NTRK3: variants seen among roughly 807,000 people sequenced by gnomAD.
NTRK3 encodes neurotrophic receptor tyrosine kinase 3, also known as NT-3 growth factor receptor.
NTRK3 carries 24 observed loss-of-function variants against 91.7 expected under a neutral mutation model. That is an observed-to-expected ratio of 0.26 (90% confidence interval 0.19 to 0.37). The LOEUF is 0.37. Among genes scored for constraint, NTRK3 ranks in the 10% least tolerant of loss-of-function variants. The probability of loss-of-function intolerance (pLI) is 1.00; values close to 1 mark genes in which losing one functional copy is unlikely to be tolerated. For missense variants in NTRK3, 880 were observed against 1,068.9 expected, an observed-to-expected ratio of 0.82 and a Z score of 2.46; for synonymous variants, 483 against 404.0, an observed-to-expected ratio of 1.20 and a Z score of -2.34.
At chr15:87,903,412 C>T (rs542392921) in intron 17 of NTRK3, among the ~76,000 whole-genome samples, 4 of 152,170 alleles carry the variant, frequency 2.6e-5, no homozygotes, top group African/African-American at 2.4e-5. Flanking sequence ...CCCTCCCCTC[C>T]TCCATCATCT....
chr15:88,147,075 T>G (rs1316907861), intron 6 of NTRK3, among the ~76,000 whole-genome samples: 2 of 152,168 alleles, frequency 1.3e-5, no homozygotes, highest in African/African-American at 4.8e-5. Context: ...ACTAATTATC[T>G]ACAGATCACA....
intron 14 of NTRK3, among the ~76,000 whole-genome samples, chr15:88,005,611 C>A (rs1172120398): frequency 6.6e-6 from 1 of 152,162 alleles, no homozygotes; most frequent in Non-Finnish European, 1.5e-5. Flanking sequence ...CACCTCAAAT[C>A]TCTCCAAAGG....
intron 5 of NTRK3, among the ~76,000 whole-genome samples, chr15:88,158,919 A>G (rs1451972659): frequency 6.6e-6 from 1 of 152,230 alleles, no homozygotes; most frequent in East Asian, 1.9e-4. Flanking sequence ...CGCAGAAAGC[A>G]TCTGTGGGAA....
In NTRK3 at chr15:88,104,257, G is replaced by A. The variant is rs78061192; in HGVS notation, c.1396+22014C>T. Among the ~76,000 whole-genome samples, 713 of 152,330 alleles carry A rather than the reference G, an allele frequency of 4.7e-3. 3 individuals carry two copies. The highest frequency in any genetic ancestry group is 0.017 in the African/African-American group (692 of 41,576). ...GCATGCAGGTATGTCTAGAACTGTTGCATGAGATTCCTTCCAGTTTGGACA... is the reference window on the plus strand; with the variant it reads ...GCATGCAGGTATGTCTAGAACTGTTACATGAGATTCCTTCCAGTTTGGACA... On this transcript the variant is annotated intron_variant, in intron 13 of 18. Transcript: ENST00000394480.
chr15:87,985,714 A>C (rs1188530406), intron 14 of NTRK3, among the ~76,000 whole-genome samples: 1 of 152,158 alleles, frequency 6.6e-6, no homozygotes, highest in Admixed American at 6.5e-5. Context: ...TCATGCCCAC[A>C]GGAAGTCACA....
At chr15:88,221,400 A>G (rs1224806351) in intron 3 of NTRK3, among the ~76,000 whole-genome samples, 1 of 152,256 alleles carries the variant, frequency 6.6e-6, no homozygotes, top group Non-Finnish European at 1.5e-5. Context: ...GATGAGAAAA[A>G]TAACAGCAAT....
chr15:88,239,589 G>T (rs1290382544), intron 3 of NTRK3, among the ~76,000 whole-genome samples: 2 of 152,150 alleles, frequency 1.3e-5, no homozygotes, highest in African/African-American at 4.8e-5. Flanking sequence ...CTTAGGGAAA[G>T]GTCAGCATGG....
At chr15:88,136,563 C>G in exon 8 of NTRK3, 1 of 1,613,766 alleles carries the variant, frequency 6.2e-7, no homozygotes, top group Non-Finnish European at 8.5e-7. Context: ...CGTTGTCACC[C>G]TCTCGTACGG....
At chr15:88,062,578 G>A (rs1164849654) in intron 13 of NTRK3, among the ~76,000 whole-genome samples, 1 of 152,090 alleles carries the variant, frequency 6.6e-6, no homozygotes, top group African/African-American at 2.4e-5. Flanking sequence ...GAAGCTACAA[G>A]GTAAAGATGG....
At chr15:88,171,456 A>G (rs2045511339) in intron 5 of NTRK3, among the ~76,000 whole-genome samples, 1 of 151,992 alleles carries the variant, frequency 6.6e-6, no homozygotes, top group African/African-American at 2.4e-5. Flanking sequence ...TGCTCTCCCC[A>G]CATACAGGGG....
chr15:88,118,616 A>C (rs1338362043), intron 13 of NTRK3, among the ~76,000 whole-genome samples: 1 of 152,182 alleles, frequency 6.6e-6, no homozygotes, highest in Non-Finnish European at 1.5e-5. Context: ...ATCAGTTTGA[A>C]TTTACTATTA....
chr15:88,202,927 A>G (rs1333798833), intron 3 of NTRK3, among the ~76,000 whole-genome samples: 1 of 152,204 alleles, frequency 6.6e-6, no homozygotes, highest in Non-Finnish European at 1.5e-5. Flanking sequence ...GCTGGATGAG[A>G]CACTGCAAAT....
intron 15 of NTRK3, 132 bp downstream of exon 15, chr15:87,940,491 G>A: frequency 6.9e-7 from 1 of 1,444,780 alleles, no homozygotes. Flanking sequence ...ATTGACCTCG[G>A]AGCAAAGTCC....
intron 3 of NTRK3, among the ~76,000 whole-genome samples, chr15:88,251,300 G>A (rs1277846945): frequency 2.6e-5 from 4 of 152,216 alleles, no homozygotes; most frequent in East Asian, 1.9e-4. Context: ...TGGCGTGGCC[G>A]AGCCTCCTGG....
chr15:88,234,228 G>A lies in NTRK3; in HGVS notation c.248+21678C>T, dbSNP rs1162937899. Among the ~76,000 whole-genome samples the A allele has an allele frequency of 3.3e-5, 5 of 151,960 alleles. No individual in the cohort carries two copies. The highest frequency in any genetic ancestry group is 2.9e-5 in the Non-Finnish European group (2 of 67,998). On this transcript the variant is annotated intron_variant, in intron 3 of 18. Transcript: ENST00000394480. The surrounding 1 kb of genome is among the most constrained non-coding windows in gnomAD (Gnocchi z 6.1). ...GGTTGTCTCTCATCGCCCCCCGCTC[G>A]ACCTTCAAAAAGCTCCCATAGCCTA...
In NTRK3 at chr15:87,891,898, G is replaced by A. The variant is rs923077968; in HGVS notation, c.2134-11470C>T. ...GTGCCATGTAATAGGCAGAGATACA[G>A]TACAGTGTCCATGCAAGAGGTTTCA... is the stretch of plus-strand genomic sequence containing the variant. On this transcript the variant is annotated intron_variant, in intron 17 of 18. Transcript: ENST00000394480. 3.9e-5 allele frequency among the ~76,000 whole-genome samples: 6 copies of A among 152,288 alleles called. No homozygotes were observed. In the East Asian group the frequency reaches 7.7e-4, roughly 20 times the overall value.
At chr15:88,110,123 A>ACTGGGGC (rs1257413932) in intron 13 of NTRK3, among the ~76,000 whole-genome samples, 2 of 152,148 alleles carry the variant, frequency 1.3e-5, no homozygotes, top group Non-Finnish European at 2.9e-5. Flanking sequence ...ATAGCTCTAA[A>ACTGGGGC]TTTTAATGAG....
At chr15:87,893,700 A>C (rs1178856542) in intron 17 of NTRK3, among the ~76,000 whole-genome samples, 1 of 152,226 alleles carries the variant, frequency 6.6e-6, no homozygotes, top group Non-Finnish European at 1.5e-5. Flanking sequence ...AATCACAGAG[A>C]AGCCTGCTTC....
chr15:88,033,336 A>G (rs1240352411), intron 13 of NTRK3, among the ~76,000 whole-genome samples: 1 of 149,838 alleles, frequency 6.7e-6, no homozygotes, highest in East Asian at 2.0e-4. Flanking sequence ...AATGAAATAG[A>G]GTCTCTCTCC....
Sources: gnomAD v4.1 joint callset for allele counts (sites outside exome capture counted in the v4.1 genomes callset) on GRCh38, gnomAD v4.1.1 for gene constraint, Gnocchi (gnomAD v3.1) non-coding constraint, MANE v1.5 for transcripts, NCBI Gene and HGNC (gene_info 2026-07-23, HGNC 2026-07-21) for gene names.